GNG4: variants seen among roughly 807,000 people sequenced by gnomAD.
GNG4 encodes the protein G protein subunit gamma 4.
Under a neutral mutation model 5.8 loss-of-function variants are expected in GNG4, and 4 were observed. That is an observed-to-expected ratio of 0.69 (90% CI 0.34 to 1.57). The LOEUF is 1.57. Among genes scored for constraint, GNG4 ranks in the 40% most tolerant of loss-of-function variants. GNG4 has a pLI of 0.06. For synonymous variants in GNG4, 29 were observed against 32.9 expected, an observed-to-expected ratio of 0.88 and a Z score of 0.41; for missense variants, 96 against 95.1, an observed-to-expected ratio of 1.01 and a Z score of -0.04.
At chr1:235,594,342 C>T (rs1001411293) in intron 2 of GNG4, among the ~76,000 whole-genome samples, 1 of 152,186 alleles carries the variant, frequency 6.6e-6, no homozygotes, top group African/African-American at 2.4e-5. Context: ...TCCAAGTCCC[C>T]ACCAGACTCA....
At chr1:235,594,531 G>A (rs553403544) in intron 2 of GNG4, among the ~76,000 whole-genome samples, 42 of 152,208 alleles carry the variant, frequency 2.8e-4, no homozygotes, top group Admixed American at 5.9e-4. Context: ...CCATGGTGGT[G>A]GGGAGGCTCA....
intron 1 of GNG4, among the ~76,000 whole-genome samples, chr1:235,624,569 CAAG>C (rs1688773179): frequency 2.0e-5 from 3 of 152,168 alleles, no homozygotes; most frequent in Admixed American, 1.3e-4. Context: ...TAGCATTATT[CAAG>C]AAGAATGAAT....
intron 1 of GNG4, among the ~76,000 whole-genome samples, chr1:235,640,061 GC>G (rs1158865513): frequency 1.3e-5 from 2 of 152,150 alleles, no homozygotes; most frequent in African/African-American, 4.8e-5. Flanking sequence ...TCTGACAGAG[GC>G]AGCTCTTCAG....
chr1:235,587,213 G>A (rs189489696), intron 2 of GNG4, among the ~76,000 whole-genome samples: 116 of 113,556 alleles, frequency 1.0e-3, no homozygotes, highest in African/African-American at 4.6e-3. Flanking sequence ...GTATGTGTGA[G>A]GGTGTGGGTG....
At chr1:235,612,065 CAAAAAAAAAA>C (rs68070269) in intron 1 of GNG4, among the ~76,000 whole-genome samples, 5 of 93,490 alleles carry the variant, frequency 5.3e-5, no homozygotes, top group Admixed American at 1.5e-4. Flanking sequence ...CTTTGTCTCA[CAAAAAAAAAA>C]AAAAAAAAAA....
At chr1:235,605,963 T>TG (rs1491497172) in intron 1 of GNG4, among the ~76,000 whole-genome samples, 3 of 144,108 alleles carry the variant, frequency 2.1e-5, no homozygotes, top group East Asian at 4.1e-4. Context: ...TGTGGGGGGG[T>TG]GGGTCTCACT....
chr1:235,603,103 TGTG>T (rs1688289852), intron 1 of GNG4, among the ~76,000 whole-genome samples: 1 of 151,630 alleles, frequency 6.6e-6, no homozygotes, highest in Admixed American at 6.6e-5. Context: ...ATTAGCCAGG[TGTG>T]GTGGCAGGTG....
intron 1 of GNG4, among the ~76,000 whole-genome samples, chr1:235,645,579 C>A (rs1657482243): frequency 6.6e-6 from 1 of 152,112 alleles, no homozygotes; most frequent in African/African-American, 2.4e-5. Context: ...AGGTGGATCA[C>A]CTGAGGTCAG....
intron 2 of GNG4, among the ~76,000 whole-genome samples, chr1:235,591,373 GC>G (rs1410475498): frequency 1.3e-5 from 2 of 152,076 alleles, no homozygotes; most frequent in African/African-American, 4.8e-5. Context: ...CCTGAGGTGG[GC>G]AAAAAAAGCA....
intron 1 of GNG4, among the ~76,000 whole-genome samples, chr1:235,624,169 C>G (rs1178943331): frequency 1.3e-5 from 2 of 150,008 alleles, no homozygotes; most frequent in Non-Finnish European, 2.9e-5. Flanking sequence ...GTGGCGTGAT[C>G]TTGGCTCACT....
chr1:235,625,414 T>G (rs991420936), intron 1 of GNG4, among the ~76,000 whole-genome samples: 2 of 152,194 alleles, frequency 1.3e-5, no homozygotes, highest in African/African-American at 4.8e-5. Context: ...TGACCATCAA[T>G]GACCCAACAC....
intron 2 of GNG4, among the ~76,000 whole-genome samples, chr1:235,589,185 T>C (rs1437652960): frequency 1.3e-5 from 2 of 152,206 alleles, no homozygotes; most frequent in African/African-American, 4.8e-5. Flanking sequence ...TCTAAGCCAC[T>C]GTTGTTTGTA....
intron 1 of GNG4, among the ~76,000 whole-genome samples, chr1:235,610,183 G>T (rs1194109008): frequency 1.3e-5 from 2 of 152,148 alleles, no homozygotes; most frequent in African/African-American, 2.4e-5. Context: ...CACTTTCCAA[G>T]ATAGCGGCCG....
intron 3 of GNG4, among the ~76,000 whole-genome samples, chr1:235,553,803 T>C (rs921248992): frequency 6.6e-6 from 1 of 152,242 alleles, no homozygotes; most frequent in African/African-American, 2.4e-5. Flanking sequence ...GTAAGCTAGC[T>C]GTGTGACCTT....
intron 2 of GNG4, among the ~76,000 whole-genome samples, chr1:235,585,987 G>T (rs1687749154): frequency 6.6e-6 from 1 of 152,200 alleles, no homozygotes; most frequent in Non-Finnish European, 1.5e-5. Context: ...TATTTGGCCA[G>T]TAGGTTAGTG....
chr1:235,644,908 T>C lies in GNG4; in HGVS notation c.-123+4754A>G, dbSNP rs1252058125. On this transcript the variant is annotated intron_variant, in intron 1 of 3. Coordinates refer to ENST00000391854, the MANE Select transcript of GNG4 (RefSeq NM_001098722.2). This position sits in a 1 kb window ranked among gnomAD's most constrained non-coding sequence, Gnocchi z 5.9. The stretch of plus-strand genomic sequence containing the variant: ...GGACCTTCCTATAGACAGGGAGCCA[T>C]GGGAAGACAGAGACCACTGATGAGG... 6.6e-6 allele frequency among the ~76,000 whole-genome samples: 1 copy of C among 151,922 alleles called. No individual in the cohort carries two copies. The highest frequency in any genetic ancestry group is 1.5e-5 in the Non-Finnish European group (1 of 67,944).
intron 1 of GNG4, among the ~76,000 whole-genome samples, chr1:235,628,833 T>C (rs1688875346): frequency 1.3e-5 from 2 of 152,178 alleles, no homozygotes; most frequent in Admixed American, 6.5e-5. Flanking sequence ...TTTCTCTGTA[T>C]GGCTTCTCTC....
intron 1 of GNG4, among the ~76,000 whole-genome samples, chr1:235,599,779 TCTCCTGACCC>T (rs1436112293): frequency 6.6e-6 from 1 of 152,134 alleles, no homozygotes; most frequent in Non-Finnish European, 1.5e-5. Context: ...GAGGTGCTGT[TCTCCTGACCC>T]TTAATGTTAT....
At chr1:235,556,169 C>A (rs1686900974) in intron 3 of GNG4, among the ~76,000 whole-genome samples, 1 of 151,864 alleles carries the variant, frequency 6.6e-6, no homozygotes, top group African/African-American at 2.4e-5. Context: ...GTCTGGCAAG[C>A]AATTTTCAAG....
Sources: allele counts gnomAD v4.1 joint callset (sites outside exome capture counted in the v4.1 genomes callset), GRCh38; gene constraint gnomAD v4.1.1; non-coding constraint Gnocchi (gnomAD v3.1); transcripts MANE v1.5; gene names NCBI Gene and HGNC (gene_info 2026-07-23, HGNC 2026-07-21).